Variants in ABCA8 observed in about 807,000 individuals in gnomAD.
ABCA8 encodes ABC-type organic anion transporter ABCA8.
In ABCA8, 177 loss-of-function variants were observed where a neutral mutation model predicts 192.3. The ratio of observed to expected loss-of-function variants is 0.92; its 90% CI spans 0.81 to 1.04. The LOEUF (loss-of-function observed/expected upper bound fraction) is 1.04. ABCA8 is among the 50% of genes least tolerant of loss of function. ABCA8 has a pLI of 0.00. For synonymous variants in ABCA8, 642 were observed against 690.2 expected, an observed-to-expected ratio of 0.93 and a Z score of 1.09; for missense variants, 1,915 against 1,904.8, an observed-to-expected ratio of 1.01 and a Z score of -0.10.
intron 33 of ABCA8, 31 bp downstream of exon 33, chr17:68,877,488 G>T (rs1353965037): frequency 6.3e-7 from 1 of 1,576,594 alleles, no homozygotes; most frequent in Non-Finnish European, 8.6e-7. Flanking sequence ...CCCTCCCTTG[G>T]GTATAGAACA....
intron 33 of ABCA8, chr17:68,877,246 C>G (rs201803628): frequency 3.5e-6 from 1 of 289,510 alleles, no homozygotes; most frequent in African/African-American, 2.2e-5. Context: ...CTGAAACTCA[C>G]GAGCTCAAGC....
At chr17:68,872,010 G>A (rs1456197267) in intron 37 of ABCA8, among the ~76,000 whole-genome samples, 2 of 152,086 alleles carry the variant, frequency 1.3e-5, no homozygotes, top group Non-Finnish European at 2.9e-5. Context: ...TTCGGGAGGT[G>A]TTTCAGAAGA....
intron 10 of ABCA8, among the ~76,000 whole-genome samples, chr17:68,926,913 C>T (rs1342550737): frequency 1.3e-5 from 2 of 152,036 alleles, no homozygotes; most frequent in East Asian, 1.9e-4. Context: ...GAATAGGAAA[C>T]GCAGAAGGGA....
intron 37 of ABCA8, among the ~76,000 whole-genome samples, chr17:68,872,468 C>T (rs1391274992): frequency 1.3e-5 from 2 of 149,234 alleles, no homozygotes; most frequent in Non-Finnish European, 3.0e-5. Context: ...GGGAGATATA[C>T]CTAATGCTAG....
In ABCA8 at chr17:68,881,116, C is replaced by G; in HGVS notation, c.4038+4G>C. 1 of 1,597,832 alleles carries G rather than the reference C, an allele frequency of 6.3e-7. No individual in the cohort carries two copies. Among genetic ancestry groups the G allele is most frequent in the Non-Finnish European group, 8.6e-7 (1 of 1,165,424 alleles). ...ATAACATATTTTCCACATAATTCAC[C>G]TACTTGTCCAGCAGTTGGTTTTGTG... On this transcript the variant is annotated splice_donor_region_variant and intron_variant, in intron 32 of 39. Transcript: ENST00000586539.
chr17:68,928,064 C>T lies in ABCA8; in HGVS notation c.1126-1G>A. On this transcript the variant is annotated splice_acceptor_variant, in intron 9 of 39. Transcript: ENST00000586539. LOFTEE classifies it high-confidence loss of function. ...TCAAATCATAGTCCAAGTGTAAAAG[C>T]TGAAAATTAAAAAGTAATTAATTAA... 2 of 1,575,256 alleles carry T rather than the reference C, an allele frequency of 1.3e-6. No homozygotes were observed. Among genetic ancestry groups the T allele is most frequent in the South Asian group, 2.4e-5 (2 of 83,954 alleles).
chr17:68,922,239 T>TAA lies in ABCA8; in HGVS notation c.1501+2_1501+3insTT. On this transcript the variant is annotated splice_region_variant and intron_variant, in intron 12 of 39. Transcript: ENST00000586539. Reference sequence around the variant, plus strand: ...TTTTTTTTTTTTTTTTTTTTTTTTTTACCTTTCAAGGCTTCTATTTTATCA... The same window carrying TAA: ...TTTTTTTTTTTTTTTTTTTTTTTTTTAAACCTTTCAAGGCTTCTATTTTATCA... The TAA allele has an allele frequency of 2.0e-6, 1 of 506,694 alleles. No homozygotes were observed. Among genetic ancestry groups the TAA allele is most frequent in the Non-Finnish European group, 2.9e-6 (1 of 341,438 alleles). 31.4% of individuals were successfully genotyped at this position (506,694 alleles called of 1,614,324 possible).
chr17:68,877,835 G>C (rs928109817), intron 32 of ABCA8, 156 bp from the exon 33 acceptor site: 2 of 718,492 alleles, frequency 2.8e-6, no homozygotes, highest in Non-Finnish European at 4.1e-6. Context: ...GAGAAAGGTT[G>C]TCAGAGAGCA....
chr17:68,936,605 G>A (rs2068073327), intron 5 of ABCA8, among the ~76,000 whole-genome samples: 1 of 151,966 alleles, frequency 6.6e-6, no homozygotes, highest in Middle Eastern at 3.4e-3. Context: ...GAACAACTGA[G>A]CTTATTTGAA....
Position 68,904,403 on chromosome 17 carries a change from T to A in ABCA8, c.2399-904A>T, listed in dbSNP as rs539403439. ...CTGTCAACCTGTCTTACCAAGGGAA[T>A]AAATATTAGTTATTTTTAATCCATC... is the stretch of plus-strand genomic sequence containing the variant. On this transcript the variant is annotated intron_variant, in intron 19 of 39. Coordinates refer to ENST00000586539, the MANE Select transcript of ABCA8 (RefSeq NM_001288985.2). Among the ~76,000 whole-genome samples, 34 of 151,928 alleles carry A rather than the reference T, an allele frequency of 2.2e-4. No individual in the cohort carries two copies. In the East Asian group the frequency reaches 6.4e-3, roughly 28 times the overall value.
chr17:68,921,962 A>C (rs138177964), intron 12 of ABCA8, among the ~76,000 whole-genome samples: 1 of 152,076 alleles, frequency 6.6e-6, no homozygotes, highest in African/African-American at 2.4e-5. Flanking sequence ...GAATATCCTT[A>C]GACTACCTCA....
chr17:68,901,211 G>T (rs1277523779), intron 21 of ABCA8, among the ~76,000 whole-genome samples: 1 of 152,092 alleles, frequency 6.6e-6, no homozygotes, highest in Non-Finnish European at 1.5e-5. Context: ...CAGTGAATAG[G>T]CAAATTCTTA....
At chr17:68,882,247 G>A (rs563529182) in intron 30 of ABCA8, among the ~76,000 whole-genome samples, 1 of 152,228 alleles carries the variant, frequency 6.6e-6, no homozygotes, top group South Asian at 2.1e-4. Context: ...TCAAACGGGG[G>A]CAATGAAACT....
chr17:68,896,275 CA>C (rs1232350990), intron 21 of ABCA8, among the ~76,000 whole-genome samples: 2 of 152,102 alleles, frequency 1.3e-5, no homozygotes, highest in African/African-American at 4.8e-5. Context: ...GAGAGAGCAG[CA>C]AAACAGAGAG....
rs760113269 is a variant in ABCA8 at position 68,881,112 on chromosome 17, T to C, written c.4038+8A>G. ...TTAGATAACATATTTTCCACATAAT[T>C]CACCTACTTGTCCAGCAGTTGGTTT... is the stretch of plus-strand genomic sequence containing the variant. On this transcript the variant is annotated splice_region_variant and intron_variant, in intron 32 of 39. Coordinates refer to ENST00000586539, the MANE Select transcript of ABCA8 (RefSeq NM_001288985.2). The C allele has an allele frequency of 5.0e-6, 8 of 1,586,850 alleles. No homozygotes were observed. Among genetic ancestry groups the C allele is most frequent in the Admixed American group, 1.7e-5 (1 of 59,936 alleles).
chr17:68,876,754 A>G (rs758796680), intron 33 of ABCA8, 51 bp from the exon 34 acceptor site: 1 of 1,610,760 alleles, frequency 6.2e-7, no homozygotes, highest in Non-Finnish European at 8.5e-7. Flanking sequence ...GGAAATAGAT[A>G]AGAGGATAAC....
intron 3 of ABCA8, among the ~76,000 whole-genome samples, 158 bp from the exon 4 acceptor site, chr17:68,941,120 G>A (rs4147961): frequency 0.43 from 64,709 of 151,936 alleles, 15,437 homozygotes; most frequent in Non-Finnish European, 0.54. Context: ...TGTGTTTTAA[G>A]AGATAGTTCC....
intron 17 of ABCA8, among the ~76,000 whole-genome samples, chr17:68,915,451 C>T (rs1245664224): frequency 6.6e-6 from 1 of 151,906 alleles, no homozygotes; most frequent in Non-Finnish European, 1.5e-5. Flanking sequence ...TAATCCAATT[C>T]AAAATGGGCA....
intron 3 of ABCA8, among the ~76,000 whole-genome samples, 197 bp from the exon 4 acceptor site, chr17:68,941,159 C>T (rs981221121): frequency 2.0e-5 from 3 of 152,054 alleles, no homozygotes; most frequent in African/African-American, 7.2e-5. Flanking sequence ...TAATGATATA[C>T]TGGTTACATG....
Sources: allele counts gnomAD v4.1 joint callset (sites outside exome capture counted in the v4.1 genomes callset), GRCh38; gene constraint gnomAD v4.1.1; transcripts MANE v1.5; gene names NCBI Gene and HGNC (gene_info 2026-07-23, HGNC 2026-07-21).